Variants in AS3MT observed in about 807,000 individuals in gnomAD.
AS3MT encodes the protein arsenite methyltransferase.
In AS3MT, 47 loss-of-function variants were observed where a neutral mutation model predicts 45.3. That is an observed-to-expected ratio of 1.04 (90% CI 0.82 to 1.32). The LOEUF is 1.32. AS3MT is among the 40% of genes most tolerant of loss of function. The probability of loss-of-function intolerance (pLI) is 0.00; values close to 1 mark genes in which losing one functional copy is unlikely to be tolerated. For synonymous variants in AS3MT, 141 were observed against 152.8 expected, an observed-to-expected ratio of 0.92 and a Z score of 0.57; for missense variants, 396 against 451.1, an observed-to-expected ratio of 0.88 and a Z score of 1.11.
rs2134118116 is a variant in AS3MT at position 102,881,622 on chromosome 10, C to T, written c.885+2631C>T. Among the ~76,000 whole-genome samples the T allele has an allele frequency of 6.6e-6, 1 of 152,116 alleles. No individual in the cohort carries two copies. ...TTTGCAGAATTTCTATAAGGATTAG[C>T]AATAATGTAGCAAAACACTGGGTAC... On this transcript the variant is annotated intron_variant, in intron 9 of 10. Coordinates refer to ENST00000369880, the MANE Select transcript of AS3MT (RefSeq NM_020682.4). This position sits in a 1 kb window ranked among gnomAD's most constrained non-coding sequence, Gnocchi z 4.2.
At chr10:102,882,824 C>G (rs892950954) in intron 9 of AS3MT, among the ~76,000 whole-genome samples, 1 of 151,876 alleles carries the variant, frequency 6.6e-6, no homozygotes, top group Non-Finnish European at 1.5e-5. Flanking sequence ...CTCCTGACCT[C>G]AGGTAATCTA....
At position 102,873,564 on chromosome 10, in the gene AS3MT, G is replaced by C. The variant is rs554337038; in HGVS notation, c.458+331G>C. On this transcript the variant is annotated intron_variant, in intron 5 of 10. Coordinates refer to ENST00000369880, the MANE Select transcript of AS3MT (RefSeq NM_020682.4). Reference sequence around the variant, plus strand: ...ACCTCCCAAAGTGCTGGGATTACAGGTGTGAGGCACTGTGCTCAGCCCTCA... The same window carrying C: ...ACCTCCCAAAGTGCTGGGATTACAGCTGTGAGGCACTGTGCTCAGCCCTCA... 5.3e-5 allele frequency among the ~76,000 whole-genome samples: 8 copies of C among 152,274 alleles called. 1 individual carries two copies. In the South Asian group the frequency reaches 8.3e-4, roughly 16 times the overall value.
At chr10:102,889,681 C>A (rs1480168603) in intron 9 of AS3MT, among the ~76,000 whole-genome samples, 4 of 141,626 alleles carry the variant, frequency 2.8e-5, no homozygotes, top group Admixed American at 7.3e-5. Context: ...CCCTCCACCC[C>A]CCCCGCCCCT....
In AS3MT at chr10:102,873,105, G is replaced by A; in HGVS notation, c.330G>A (p.Val110=). Residue 110 remains valine (V), a synonymous_variant, in exon 5 of 11, where the codon GTG becomes GTA. Coordinates refer to ENST00000369880, the MANE Select transcript of AS3MT (RefSeq NM_020682.4). ...TATTTTTCTTACTTTAGGTGGAAGT[G>A]GCTGAAAAGTATCTTGACTATCACA... The part of the protein sequence containing the change: ...GIDMTKGQVE[V]AEKYLDYHME... The A allele has an allele frequency of 6.3e-7, 1 of 1,578,004 alleles. No homozygotes were observed. The highest frequency in any genetic ancestry group is 2.0e-5 in the Admixed American group (1 of 48,898).
At chr10:102,879,636 G>T (rs1844841940) in intron 9 of AS3MT, among the ~76,000 whole-genome samples, 1 of 151,780 alleles carries the variant, frequency 6.6e-6, no homozygotes, top group Non-Finnish European at 1.5e-5. Context: ...GGGCGTGGTG[G>T]TGGGTGCCTG....
chr10:102,872,589 C>G lies in AS3MT; in HGVS notation c.312C>G (p.Thr104=), dbSNP rs751566360. ...GACACGTGACTGGAATAGACATGACCAAAGGCCAGGTGAGGCATGATTTGG... is the reference window on the plus strand; with the variant it reads ...GACACGTGACTGGAATAGACATGACGAAAGGCCAGGTGAGGCATGATTTGG... The part of the protein sequence containing the change: ...EKGHVTGIDM[T]KGQVEVAEKY... Residue 104 remains threonine, a synonymous_variant, in exon 4 of 11, where the codon ACC becomes ACG. Coordinates refer to ENST00000369880, the MANE Select transcript of AS3MT (RefSeq NM_020682.4). 1 of 1,607,122 alleles carries G rather than the reference C, an allele frequency of 6.2e-7. No individual in the cohort carries two copies. The highest frequency in any genetic ancestry group is 1.1e-5 in the South Asian group (1 of 89,866).
At position 102,881,906 on chromosome 10, in the gene AS3MT, TTTA is replaced by T. The variant is rs1053901607; in HGVS notation, c.885+2918_885+2920del. 6.6e-6 allele frequency among the ~76,000 whole-genome samples: 1 copy of T among 151,490 alleles called. No individual in the cohort carries two copies. The highest frequency in any genetic ancestry group is 2.4e-5 in the African/African-American group (1 of 41,276). ...ATGTGTCACCATGCCTGGCTAATTT[TTTA>T]TTTTTATTTTTTTGTTGGTGAGACA... is the stretch of plus-strand genomic sequence containing the variant. On this transcript the variant is annotated intron_variant, in intron 9 of 10. Coordinates refer to ENST00000369880, the MANE Select transcript of AS3MT (RefSeq NM_020682.4). This position sits in a 1 kb window ranked among gnomAD's most constrained non-coding sequence, Gnocchi z 4.2.
At chr10:102,876,639 A>G (rs1590220413) in intron 6 of AS3MT, among the ~76,000 whole-genome samples, 1 of 152,168 alleles carries the variant, frequency 6.6e-6, no homozygotes, top group South Asian at 2.1e-4. Context: ...CTGTTCTACA[A>G]TGACCTGGGG....
intron 9 of AS3MT, among the ~76,000 whole-genome samples, chr10:102,884,317 T>C (rs920582402): frequency 2.0e-5 from 3 of 152,054 alleles, no homozygotes; most frequent in African/African-American, 7.2e-5. Context: ...ATAGTCACCA[T>C]GTTGTATAAT....
chr10:102,882,893 A>G (rs1376564501), intron 9 of AS3MT, among the ~76,000 whole-genome samples: 3 of 151,852 alleles, frequency 2.0e-5, no homozygotes, highest in Non-Finnish European at 4.4e-5. Context: ...GCCCGGCTGC[A>G]TCTTCAAATT....
At chr10:102,878,810 G>C in intron 8 of AS3MT, 39 bp from the exon 9 acceptor site, 1 of 1,597,296 alleles carries the variant, frequency 6.3e-7, no homozygotes, top group Non-Finnish European at 8.5e-7. Context: ...ACAACTGGGG[G>C]AGTGCTGGAG....
chr10:102,874,874 T>C (rs945940838), intron 6 of AS3MT, among the ~76,000 whole-genome samples: 1 of 152,196 alleles, frequency 6.6e-6, no homozygotes, highest in African/African-American at 2.4e-5. Flanking sequence ...GAGGTGACAG[T>C]TGTCACTGAA....
At chr10:102,888,697 A>G (rs1474093657) in intron 9 of AS3MT, among the ~76,000 whole-genome samples, 1 of 151,726 alleles carries the variant, frequency 6.6e-6, no homozygotes, top group Non-Finnish European at 1.5e-5. Context: ...CTGGGATTAT[A>G]GGCATGAGCC....
chr10:102,871,774 G>C (rs1018442813), intron 3 of AS3MT, among the ~76,000 whole-genome samples: 2 of 148,450 alleles, frequency 1.3e-5, no homozygotes, highest in African/African-American at 2.5e-5. Flanking sequence ...AACAAAAAAC[G>C]CCTATGGGAC....
At chr10:102,871,545 T>TA in intron 3 of AS3MT, among the ~76,000 whole-genome samples, 3 of 10,538 alleles carry the variant, frequency 2.8e-4, no homozygotes, top group Non-Finnish European at 5.1e-4. Flanking sequence ...AGACTCCGTC[T>TA]CAAAAAAAAA....
At chr10:102,896,862 A>G (rs1173166293) in intron 10 of AS3MT, among the ~76,000 whole-genome samples, 2 of 151,804 alleles carry the variant, frequency 1.3e-5, no homozygotes, top group Non-Finnish European at 2.9e-5. Flanking sequence ...ATTCTTCAGC[A>G]CTCTGCTATT....
At chr10:102,887,524 T>C (rs1286391718) in intron 9 of AS3MT, among the ~76,000 whole-genome samples, 1 of 152,178 alleles carries the variant, frequency 6.6e-6, no homozygotes, top group East Asian at 1.9e-4. Context: ...CAAAGATACT[T>C]ATATCTTCTT....
chr10:102,879,069 C>T, intron 9 of AS3MT, 78 bp downstream of exon 9: 1 of 1,424,480 alleles, frequency 7.0e-7, no homozygotes, highest in Non-Finnish European at 9.6e-7. Flanking sequence ...CTTGACTTTG[C>T]ATTGCCTCCC....
rs17879039 is a variant in AS3MT, at chr10:102,900,717, G to A, written c.*17G>A. The A allele has an allele frequency of 5.7e-3, 9,035 of 1,592,192 alleles. 40 individuals carry two copies. The highest frequency in any genetic ancestry group is 6.5e-3 in the South Asian group (591 of 90,646). Reference sequence around the variant, plus strand: ...AGCTGCTAAATCTATAGCCAACCAGGGGACCACAGTAGTGGGCAAGAGTGA... The same window carrying A: ...AGCTGCTAAATCTATAGCCAACCAGAGGACCACAGTAGTGGGCAAGAGTGA... On this transcript the variant is annotated 3_prime_UTR_variant, in exon 11 of 11. Coordinates refer to ENST00000369880, the MANE Select transcript of AS3MT (RefSeq NM_020682.4).
Sources: allele counts gnomAD v4.1 joint callset (sites outside exome capture counted in the v4.1 genomes callset), GRCh38; gene constraint gnomAD v4.1.1; non-coding constraint Gnocchi (gnomAD v3.1); transcripts MANE v1.5; gene names NCBI Gene and HGNC (gene_info 2026-07-23, HGNC 2026-07-21).